Variants in RSPO2 observed in about 807,000 individuals in gnomAD.
The protein encoded by RSPO2 is R-spondin-2.
Under a neutral mutation model 30.9 loss-of-function variants are expected in RSPO2, and 14 were observed. The observed-to-expected ratio is 0.45, with a 90% CI of 0.30 to 0.71. The LOEUF is 0.71. RSPO2 is among the 30% of genes least tolerant of loss of function. The pLI is 0.08. For synonymous variants in RSPO2, 107 were observed against 96.4 expected (o/e 1.11, Z -0.64); for missense variants, 264 against 301.9 (o/e 0.87, Z 0.93).
chr8:107,932,925 A>C (rs753784531), intron 5 of RSPO2, among the ~76,000 whole-genome samples: 13 of 152,104 alleles, frequency 8.5e-5, no homozygotes, highest in Non-Finnish European at 1.8e-4. Flanking sequence ...GCATTGGAAA[A>C]CTTTGATGTA....
chr8:108,009,281 G>A (rs963434135), intron 2 of RSPO2, among the ~76,000 whole-genome samples: 2 of 152,112 alleles, frequency 1.3e-5, no homozygotes, highest in African/African-American at 4.8e-5. Context: ...TAGGAATCTA[G>A]CTGAAAGAAT....
intron 2 of RSPO2, among the ~76,000 whole-genome samples, chr8:108,079,897 G>A (rs1455371437): frequency 1.3e-5 from 2 of 152,214 alleles, no homozygotes; most frequent in African/African-American, 4.8e-5. Flanking sequence ...AAAGGGAAAT[G>A]TTGGTATCAC....
intron 2 of RSPO2, among the ~76,000 whole-genome samples, chr8:108,071,797 C>T (rs1812854504): frequency 1.3e-5 from 2 of 152,170 alleles, no homozygotes; most frequent in Admixed American, 1.3e-4. Context: ...TCAAAATAAA[C>T]ATAAGTTCTT....
At chr8:108,058,195 A>C in intron 2 of RSPO2, among the ~76,000 whole-genome samples, 1 of 152,194 alleles carries the variant, frequency 6.6e-6, no homozygotes, top group East Asian at 1.9e-4. Context: ...AAGCATTCTT[A>C]TACACCAATA....
At chr8:107,924,115 A>C (rs946005544) in intron 5 of RSPO2, among the ~76,000 whole-genome samples, 12 of 151,836 alleles carry the variant, frequency 7.9e-5, no homozygotes, top group African/African-American at 2.7e-4. Context: ...GACAAAAAAG[A>C]GTGAATGTAA....
chr8:107,916,852 G>A (rs1811998172), intron 5 of RSPO2, among the ~76,000 whole-genome samples: 1 of 152,156 alleles, frequency 6.6e-6, no homozygotes. Context: ...AATCTGTTGT[G>A]TAACAGAAAA....
At chr8:107,922,586 A>G (rs1056956408) in intron 5 of RSPO2, among the ~76,000 whole-genome samples, 2 of 152,182 alleles carry the variant, frequency 1.3e-5, no homozygotes, top group South Asian at 2.1e-4. Context: ...TAGAACTAGA[A>G]AAAACTATTT....
chr8:107,939,478 CT>C (rs10558817), intron 5 of RSPO2, among the ~76,000 whole-genome samples: 4,379 of 140,334 alleles, frequency 0.031, 195 homozygotes, highest in African/African-American at 0.1. Context: ...ATTAAATTAT[CT>C]TTTTTTTTTT....
chr8:108,026,964 T>TA (rs1235169705), intron 2 of RSPO2, among the ~76,000 whole-genome samples: 1 of 152,148 alleles, frequency 6.6e-6, no homozygotes, highest in Non-Finnish European at 1.5e-5. Flanking sequence ...TATTTCAAAG[T>TA]AAAAAATATA....
chr8:108,037,560 C>CT (rs1811634530), intron 2 of RSPO2, among the ~76,000 whole-genome samples: 1 of 152,180 alleles, frequency 6.6e-6, no homozygotes, highest in Non-Finnish European at 1.5e-5. Context: ...GGTGGCTACA[C>CT]TAAAAAACAG....
At chr8:108,061,646 G>T (rs1333485307) in intron 2 of RSPO2, among the ~76,000 whole-genome samples, 1 of 151,780 alleles carries the variant, frequency 6.6e-6, no homozygotes, top group Non-Finnish European at 1.5e-5. Context: ...AGTTAACAAG[G>T]ATATCCAGGA....
intron 2 of RSPO2, among the ~76,000 whole-genome samples, chr8:108,046,960 T>C (rs544230982): frequency 1.3e-5 from 2 of 152,190 alleles, no homozygotes; most frequent in East Asian, 1.9e-4. Flanking sequence ...TCCAAGTATC[T>C]GAAGTGGGAA....
At chr8:108,023,278 T>C (rs181374581) in intron 2 of RSPO2, among the ~76,000 whole-genome samples, 55 of 152,260 alleles carry the variant, frequency 3.6e-4, no homozygotes, top group Non-Finnish European at 7.4e-4. Context: ...AAATTCCACA[T>C]TGAGAAAAAT....
At chr8:108,055,919 AAG>A (rs1812229055) in intron 2 of RSPO2, among the ~76,000 whole-genome samples, 2 of 152,294 alleles carry the variant, frequency 1.3e-5, no homozygotes, top group South Asian at 4.1e-4. Flanking sequence ...TCTCGTGGTT[AAG>A]AGCATGGCTG....
chr8:107,993,345 G>A (rs1814913640), intron 2 of RSPO2, among the ~76,000 whole-genome samples: 1 of 152,052 alleles, frequency 6.6e-6, no homozygotes, highest in East Asian at 1.9e-4. Context: ...GAACAGAATA[G>A]ACAAATTACG....
At chr8:107,982,006 CAACAAAAAAAAA>C (rs556134644) in intron 3 of RSPO2, among the ~76,000 whole-genome samples, 1,034 of 19,620 alleles carry the variant, frequency 0.053, 2 homozygotes, top group African/African-American at 0.11. Flanking sequence ...ACAACAACAA[CAACAAAAAAAAA>C]AAAAAAAAAA....
intron 5 of RSPO2, among the ~76,000 whole-genome samples, chr8:107,916,622 C>T (rs548291144): frequency 3.8e-4 from 58 of 152,160 alleles, no homozygotes; most frequent in African/African-American, 1.3e-3. Context: ...CTAGTTCAGA[C>T]AAACAGAGTA....
At chr8:107,985,362 T>C (rs1209012047) in intron 3 of RSPO2, among the ~76,000 whole-genome samples, 5 of 152,164 alleles carry the variant, frequency 3.3e-5, no homozygotes, top group Non-Finnish European at 7.4e-5. Flanking sequence ...TATAAGGATA[T>C]TTTTCATAGA....
At chr8:107,960,476 A>T (rs746967228) in intron 4 of RSPO2, among the ~76,000 whole-genome samples, 198 bp downstream of exon 4, 7 of 152,220 alleles carry the variant, frequency 4.6e-5, no homozygotes, top group Admixed American at 3.3e-4. Flanking sequence ...CAAATGCACA[A>T]CTAGCAAATT....
Sources: allele counts gnomAD v4.1 joint callset (sites outside exome capture counted in the v4.1 genomes callset), GRCh38; gene constraint gnomAD v4.1.1; transcripts MANE v1.5; gene names NCBI Gene and HGNC (gene_info 2026-07-23, HGNC 2026-07-21).